Variants in CNNM4 observed in about 807,000 individuals in gnomAD.
The protein encoded by CNNM4 is metal transporter CNNM4.
CNNM4 carries 32 observed loss-of-function variants against 53.7 expected under a neutral mutation model. The observed-to-expected ratio is 0.60, with a 90% CI of 0.45 to 0.80. The LOEUF is 0.80. Among genes scored for constraint, CNNM4 ranks in the 30% least tolerant of loss-of-function variants. The pLI, the probability that CNNM4 is intolerant of heterozygous loss-of-function variation, is 0.00. For missense variants in CNNM4, 784 were observed against 1,022.0 expected, an observed-to-expected ratio of 0.77 and a Z score of 3.17; for synonymous variants, 410 against 440.0, an observed-to-expected ratio of 0.93 and a Z score of 0.85.
rs778112709 is a variant in CNNM4, at chr2:96,799,186, C to A, written c.1811C>A (p.Thr604Asn). ...NKYYARHYLYTRNKPADYFIL... is the reference protein window; with the variant it reads ...NKYYARHYLYNRNKPADYFIL... ...TACTACGCCCGCCATTACCTGTACA[C>A]CCGAAATAAGCCGGCCGACTACTTC... Residue 604 changes from threonine to asparagine, a missense_variant, in exon 4 of 7, where the codon ACC becomes AAC. Around this residue, in one of 3 missense-constraint regions of CNNM4, gnomAD observed 307 missense variants for 376.3 expected, o/e 0.82. Coordinates refer to ENST00000377075, the MANE Select transcript of CNNM4 (RefSeq NM_020184.4). The A allele has an allele frequency of 3.1e-6, 5 of 1,614,214 alleles. No homozygotes were observed. The highest frequency in any genetic ancestry group is 3.4e-6 in the Non-Finnish European group (4 of 1,180,028).
chr2:96,774,099 C>T (rs1393790977), intron 1 of CNNM4, among the ~76,000 whole-genome samples: 1 of 152,138 alleles, frequency 6.6e-6, no homozygotes, highest in Non-Finnish European at 1.5e-5. Context: ...CCGTCCTGAC[C>T]GCCAGCGCAT....
At chr2:96,772,965 T>C (rs1412340654) in intron 1 of CNNM4, among the ~76,000 whole-genome samples, 2 of 142,176 alleles carry the variant, frequency 1.4e-5, no homozygotes, top group Admixed American at 7.0e-5. Flanking sequence ...TCTCACACAC[T>C]TGCACACACA....
At chr2:96,764,492 C>T (rs2078795382) in intron 1 of CNNM4, among the ~76,000 whole-genome samples, 1 of 152,146 alleles carries the variant, frequency 6.6e-6, no homozygotes, top group Admixed American at 6.5e-5. Context: ...CCTCTCTACC[C>T]ACCCCCGACA....
intron 1 of CNNM4, among the ~76,000 whole-genome samples, chr2:96,777,104 C>G (rs1009488159): frequency 6.6e-6 from 1 of 150,740 alleles, no homozygotes; most frequent in Admixed American, 6.6e-5. Context: ...CACTGCAACC[C>G]CCGCCTCCTG....
At chr2:96,796,805 C>A (rs2153349211) in intron 1 of CNNM4, among the ~76,000 whole-genome samples, 1 of 152,314 alleles carries the variant, frequency 6.6e-6, no homozygotes, top group Non-Finnish European at 1.5e-5. Flanking sequence ...TCCTTAACGA[C>A]ATGCTTTTAA....
At chr2:96,799,456 C>A in intron 4 of CNNM4, 96 bp from the exon 5 acceptor site, 1 of 1,221,454 alleles carries the variant, frequency 8.2e-7, no homozygotes, top group South Asian at 1.3e-5. Context: ...GGCCCTTCCT[C>A]CTGCCCCACT....
intron 1 of CNNM4, among the ~76,000 whole-genome samples, chr2:96,786,002 G>A (rs1242727882): frequency 6.6e-6 from 1 of 150,492 alleles, no homozygotes; most frequent in Non-Finnish European, 1.5e-5. Flanking sequence ...CAGGAGAATG[G>A]TGTGAACCCA....
chr2:96,798,590 T>G (rs1463299157), intron 3 of CNNM4, among the ~76,000 whole-genome samples: 1 of 152,162 alleles, frequency 6.6e-6, no homozygotes, highest in East Asian at 1.9e-4. Flanking sequence ...TCCCACCCCT[T>G]ACTTGCTAAA....
intron 1 of CNNM4, among the ~76,000 whole-genome samples, chr2:96,765,124 TGTTG>T (rs2078804389): frequency 6.8e-6 from 1 of 147,450 alleles, no homozygotes; most frequent in Non-Finnish European, 1.5e-5. Context: ...TTTGTTTGTT[TGTTG>T]TTGTTTTTTT....
At position 96,800,785 on chromosome 2, in the gene CNNM4, T is replaced by C. The variant is rs1228104671; in HGVS notation, c.1948+1137T>C. ...TGCAGTGAAGCCTCAGAGGCCCGGT[T>C]AGGGCCCAGGCTCTGTCCGTTGACC... is the stretch of plus-strand genomic sequence containing the variant. On this transcript the variant is annotated intron_variant, in intron 5 of 6. Transcript: ENST00000377075. This position sits in a 1 kb window ranked among gnomAD's most constrained non-coding sequence, Gnocchi z 4.6. Among the ~76,000 whole-genome samples, 1 of 152,216 alleles carries C rather than the reference T, an allele frequency of 6.6e-6. No homozygotes were observed. The highest frequency in any genetic ancestry group is 1.5e-5 in the Non-Finnish European group (1 of 68,020).
In CNNM4 at chr2:96,797,728, C is replaced by G; in HGVS notation, c.1681+81C>G. 6.3e-7 allele frequency: 1 copy of G among 1,578,990 alleles called. No homozygotes were observed. Among genetic ancestry groups the G allele is most frequent in the East Asian group, 2.3e-5 (1 of 44,166 alleles). On this transcript the variant is annotated intron_variant, in intron 3 of 6. Coordinates refer to ENST00000377075, the MANE Select transcript of CNNM4 (RefSeq NM_020184.4). The surrounding 1 kb of genome is among the most constrained non-coding windows in gnomAD (Gnocchi z 6.0). ...CCTGGGTTTCCGGCTGCTTTCCCCC[C>G]ATAGGACGAGGGCTGCAGCAGGTGA... is the stretch of plus-strand genomic sequence containing the variant.
chr2:96,798,876 A>G (rs1185260974), intron 3 of CNNM4, among the ~76,000 whole-genome samples, 181 bp from the exon 4 acceptor site: 18 of 152,294 alleles, frequency 1.2e-4, no homozygotes. Flanking sequence ...CTTGTATCCA[A>G]CCAGTCAGAA....
At position 96,808,567 on chromosome 2, in the gene CNNM4, C is replaced by T; in HGVS notation, c.1955C>T (p.Ser652Phe). Residue 652 changes from serine to phenylalanine, a missense_variant, in exon 6 of 7, where the codon TCC (serine) becomes TTC (phenylalanine). Physicochemically the swap from Ser to Phe is radical, Grantham distance 155. Coordinates refer to ENST00000377075, the MANE Select transcript of CNNM4 (RefSeq NM_020184.4). The surrounding 1 kb of genome is among the most constrained non-coding windows in gnomAD (Gnocchi z 4.9). ...ACCTCTGCTCTCCCTGCAGACCGTT[C>T]CCCAGCACACCCCACCCCACTCAGC... is the stretch of plus-strand genomic sequence containing the variant. ...MALTSVPSDR[S>F]PAHPTPLSRS... 2.5e-6 allele frequency: 4 copies of T among 1,613,982 alleles called. No homozygotes were observed. The South Asian group carries it at 3.3e-5, about 13-fold the overall frequency.
chr2:96,798,935 G>A, intron 3 of CNNM4, 122 bp from the exon 4 acceptor site: 1 of 983,148 alleles, frequency 1.0e-6, no homozygotes, highest in East Asian at 2.4e-5. Flanking sequence ...GGCCGGCCGA[G>A]CAGGGCGGGA....
At chr2:96,799,404 T>C in intron 4 of CNNM4, 148 bp from the exon 5 acceptor site, 2 of 1,085,824 alleles carry the variant, frequency 1.8e-6, no homozygotes, top group Non-Finnish European at 2.8e-6. Context: ...CCACTCTTGA[T>C]CTCACAGGTC....
chr2:96,774,351 G>A (rs769277416), intron 1 of CNNM4, among the ~76,000 whole-genome samples: 7 of 152,042 alleles, frequency 4.6e-5, no homozygotes, highest in Non-Finnish European at 1.0e-4. Flanking sequence ...GGAGTTTGAG[G>A]TTACATGAGC....
At position 96,801,503 on chromosome 2, in the gene CNNM4, CAG is replaced by C. The variant is rs745352105; in HGVS notation, c.1948+1863_1948+1864del. Among the ~76,000 whole-genome samples, 1 of 151,046 alleles carries C rather than the reference CAG, an allele frequency of 6.6e-6. No homozygotes were observed. The highest frequency in any genetic ancestry group is 2.4e-5 in the African/African-American group (1 of 41,018). ...ACCACACACACACAGAGACCACACA[CAG>C]AGAGAGACCACACACAGAGATAGCA... On this transcript the variant is annotated intron_variant, in intron 5 of 6. Coordinates refer to ENST00000377075, the MANE Select transcript of CNNM4 (RefSeq NM_020184.4). This position sits in a 1 kb window ranked among gnomAD's most constrained non-coding sequence, Gnocchi z 5.6.
intron 3 of CNNM4, among the ~76,000 whole-genome samples, chr2:96,798,659 T>C (rs1443865607): frequency 6.6e-6 from 1 of 151,782 alleles, no homozygotes; most frequent in African/African-American, 2.4e-5. Flanking sequence ...GATGCAATAA[T>C]TATAGTCTAT....
intron 1 of CNNM4, among the ~76,000 whole-genome samples, chr2:96,766,585 C>T (rs2078821347): frequency 6.6e-6 from 1 of 152,194 alleles, no homozygotes; most frequent in Non-Finnish European, 1.5e-5. Context: ...GTGCCGATTT[C>T]TTCTCTTCTC....
Sources: allele counts gnomAD v4.1 joint callset (sites outside exome capture counted in the v4.1 genomes callset), GRCh38; gene constraint gnomAD v4.1.1; regional missense constraint gnomAD v4.1.1; non-coding constraint Gnocchi (gnomAD v3.1); transcripts MANE v1.5; gene names NCBI Gene and HGNC (gene_info 2026-07-23, HGNC 2026-07-21).